KIF7: variants seen among roughly 807,000 people sequenced by gnomAD.
KIF7 encodes the protein kinesin-like protein KIF7.
KIF7 carries 104 observed loss-of-function variants against 135.7 expected under a neutral mutation model. The observed-to-expected ratio is 0.77, with a 90% CI of 0.65 to 0.90. The LOEUF is 0.90. Ranked by LOEUF, KIF7 falls within the 40% of genes least tolerant of loss-of-function variation. KIF7 has a pLI of 0.00. For synonymous variants in KIF7, 883 were observed against 809.4 expected, an observed-to-expected ratio of 1.09 and a Z score of -1.54; for missense variants, 2,005 against 1,839.1, an observed-to-expected ratio of 1.09 and a Z score of -1.65.
downstream of KIF7, chr15:89,627,219 T>A: frequency 9.1e-7 from 1 of 1,092,902 alleles, no homozygotes; most frequent in Non-Finnish European, 1.3e-6. Context: ...GCCTTAGGGT[T>A]TTCTAATTCC....
chr15:89,662,498 A>G, the KIF7 span, among the ~76,000 whole-genome samples: 2 of 152,184 alleles, frequency 1.3e-5, no homozygotes, highest in Middle Eastern at 3.2e-3. Flanking sequence ...ACGGTCTCAA[A>G]ATAAAATTAT....
intron 10 of KIF7, among the ~76,000 whole-genome samples, chr15:89,643,092 G>A (rs1425849803): frequency 1.3e-5 from 2 of 151,958 alleles, no homozygotes; most frequent in Admixed American, 6.5e-5. Context: ...GTGGGGTTTG[G>A]GACATTCAGC....
upstream of KIF7, among the ~76,000 whole-genome samples, chr15:89,659,521 CAGGG>C (rs921581705): frequency 6.8e-6 from 1 of 146,250 alleles, no homozygotes. Flanking sequence ...AGGAGGGAGG[CAGGG>C]AGGGAGGAAG....
chr15:89,629,429 G>C lies in KIF7; in HGVS notation c.3463C>G (p.Leu1155Val). 1 of 1,608,422 alleles carries C rather than the reference G, an allele frequency of 6.2e-7. No individual in the cohort carries two copies. The highest frequency in any genetic ancestry group is 1.1e-5 in the South Asian group (1 of 91,074). The change falls in exon 17 of 19, where the codon CTG becomes GTG. Residue 1155 changes from leucine to valine, a missense_variant. Transcript: ENST00000394412. ...QRLEMDRQLT[L>V]QQKEHEQNMQ... is the part of the protein sequence containing the mutation. ...TTCTGCTCGTGCTCCTTCTGCTGCA[G>C]GGTCAGCTGGCGGTCCATCTCCAGG...
intron 10 of KIF7, among the ~76,000 whole-genome samples, chr15:89,642,932 T>C (rs1963949653): frequency 6.6e-6 from 1 of 152,262 alleles, no homozygotes; most frequent in African/African-American, 2.4e-5. Flanking sequence ...AAATTAGTTT[T>C]ATTTTTACCA....
chr15:89,635,700 A>T (rs1457115839), intron 11 of KIF7, among the ~76,000 whole-genome samples: 10 of 152,304 alleles, frequency 6.6e-5, no homozygotes, highest in Non-Finnish European at 1.5e-5. Flanking sequence ...TCTACATTTG[A>T]CTGGTGTACC....
rs543231193 is a variant in KIF7 at position 89,647,468 on chromosome 15, C to T, written c.1560+128G>A. The stretch of plus-strand genomic sequence containing the variant: ...CCTCCACACTTTCGCTCATGTGCAC[C>T]TCCTGACTCTACACCCCTACCCCGC... On this transcript the variant is annotated intron_variant, in intron 6 of 18. Transcript: ENST00000394412. 23 of 823,416 alleles carry T rather than the reference C, an allele frequency of 2.8e-5. No individual in the cohort carries two copies. In the African/African-American group the frequency reaches 3.0e-4, roughly 11 times the overall value. 51.0% of individuals were successfully genotyped at this position (823,416 alleles called of 1,614,324 possible).
rs367734857 is a variant in KIF7 at position 89,633,853 on chromosome 15, G to C, written c.2425C>G (p.Arg809Gly). 2 of 1,613,652 alleles carry C rather than the reference G, an allele frequency of 1.2e-6. No individual in the cohort carries two copies. Among genetic ancestry groups the C allele is most frequent in the East Asian group, 4.5e-5 (2 of 44,876 alleles). The change falls in exon 12 of 19, where the codon CGG (arginine) becomes GGG (glycine). Residue 809 changes from arginine (R) to glycine (G), a missense_variant. Transcript: ENST00000394412. ...VLKEKKQATE[R>G]LVSLSAQSEK... The stretch of plus-strand genomic sequence containing the variant: ...CTCTGGGCCGACAGTGACACCAGCC[G>C]CTCCGTAGCCTGCTTCTTCTCCTTC...
chr15:89,642,102 A>G, intron 11 of KIF7, 101 bp downstream of exon 11: 2 of 1,242,768 alleles, frequency 1.6e-6, no homozygotes, highest in Non-Finnish European at 2.3e-6. Context: ...AAGGTTCCAC[A>G]GTGAACTTGG....
At position 89,646,914 on chromosome 15, in the gene KIF7, C is replaced by T. The variant is rs988146509; in HGVS notation, c.1704G>A (p.Leu568=). The T allele has an allele frequency of 6.8e-6, 11 of 1,613,964 alleles. No individual in the cohort carries two copies. The highest frequency in any genetic ancestry group is 1.7e-5 in the Admixed American group (1 of 59,998). ...SFVPRPHTAP[L]GGAHAHVLGM... Reference sequence around the variant, plus strand: ...CCAGCACATGGGCGTGGGCACCCCCCAGGGGGGCTGTATGAGGTCGAGGCA... The same window carrying T: ...CCAGCACATGGGCGTGGGCACCCCCTAGGGGGGCTGTATGAGGTCGAGGCA... The change falls in exon 7 of 19, where the codon CTG becomes CTA. Residue 568 remains leucine, a synonymous_variant. Transcript: ENST00000394412.
At chr15:89,661,450 G>A in the KIF7 span, among the ~76,000 whole-genome samples, 2 of 152,160 alleles carry the variant, frequency 1.3e-5, no homozygotes, top group African/African-American at 2.4e-5. Flanking sequence ...GTTTTGGCAG[G>A]TTGGGGCTGG....
intron 2 of KIF7, among the ~76,000 whole-genome samples, chr15:89,651,500 C>T (rs1964123893): frequency 6.6e-6 from 1 of 152,176 alleles, no homozygotes. Context: ...TCCCAAAGTG[C>T]TGGGATTACA....
intron 1 of KIF7, among the ~76,000 whole-genome samples, chr15:89,620,401 T>C (rs2141980463): frequency 6.6e-6 from 1 of 151,926 alleles, no homozygotes; most frequent in South Asian, 2.1e-4. Flanking sequence ...AAAGACTGGG[T>C]TTCACCATGT....
intron 1 of KIF7, 49 bp from the exon 2 acceptor site, chr15:89,653,003 G>A (rs1964149297): frequency 1.5e-6 from 2 of 1,373,904 alleles, no homozygotes; most frequent in Non-Finnish European, 1.9e-6. Flanking sequence ...TACTCCAGGA[G>A]CTGGACTCAC....
Position 89,633,756 on chromosome 15 carries a change from C to T in KIF7, c.2522G>A (p.Arg841Gln), listed in dbSNP as rs750616880. The T allele has an allele frequency of 2.6e-5, 42 of 1,610,212 alleles. No homozygotes were observed. The highest frequency in any genetic ancestry group is 4.4e-5 in the South Asian group (4 of 91,070). ...MRQQQGQLQR[R>Q]LREETEQKRR... Reference sequence around the variant, plus strand: ...CTTCTGCTCCGTCTCCTCGCGAAGCCGCCTCTGCAGCTGTCCCTGCTGCTG... The same window carrying T: ...CTTCTGCTCCGTCTCCTCGCGAAGCTGCCTCTGCAGCTGTCCCTGCTGCTG... The change falls in exon 12 of 19, where the codon CGG (arginine) becomes CAG (glutamine). Residue 841 changes from arginine to glutamine, a missense_variant. Arg to Gln is a conservative substitution (Grantham distance 43). Coordinates refer to ENST00000394412, the MANE Select transcript of KIF7 (RefSeq NM_198525.3).
At chr15:89,643,634 C>A (rs1230643916) in intron 10 of KIF7, among the ~76,000 whole-genome samples, 1 of 152,198 alleles carries the variant, frequency 6.6e-6, no homozygotes, top group African/African-American at 2.4e-5. Flanking sequence ...CGCCTCTAAT[C>A]CCAGTACTTT....
Position 89,648,320 on chromosome 15 carries a change from G to T in KIF7, c.1378C>A (p.Pro460Thr), listed in dbSNP as rs1429893583. Reference sequence around the variant, plus strand: ...GAGGCGCTCTCGATGCCGCTATCGGGCCCGGAGGCGGAGCTCAGGGCGCTG... The same window carrying T: ...GAGGCGCTCTCGATGCCGCTATCGGTCCCGGAGGCGGAGCTCAGGGCGCTG... ...ERSALSSASG[P>T]DSGIESASVE... The change falls in exon 5 of 19, where the codon CCC becomes ACC. Residue 460 changes from proline (P) to threonine (T), a missense_variant. By Grantham distance (38) the Pro-to-Thr change is conservative. Transcript: ENST00000394412. 2 of 1,509,916 alleles carry T rather than the reference G, an allele frequency of 1.3e-6. No individual in the cohort carries two copies. Among genetic ancestry groups the T allele is most frequent in the Non-Finnish European group, 1.8e-6 (2 of 1,131,840 alleles). The allele number at this position is 1,509,916 out of a possible 1,614,324, so 93.5% of individuals were successfully genotyped here. A position where few individuals can be genotyped will look rare whatever the true frequency, so the allele number is the denominator to read the frequency against.
chr15:89,633,847 C>T lies in KIF7; in HGVS notation c.2431G>A (p.Val811Met). 1 of 1,613,766 alleles carries T rather than the reference C, an allele frequency of 6.2e-7. No homozygotes were observed. ...KEKKQATERL[V>M]SLSAQSEKRL... The stretch of plus-strand genomic sequence containing the variant: ...TTCTCACTCTGGGCCGACAGTGACA[C>T]CAGCCGCTCCGTAGCCTGCTTCTTC... The change falls in exon 12 of 19, where the codon GTG (valine) becomes ATG (methionine). Residue 811 changes from valine (V) to methionine (M), a missense_variant. By Grantham distance (21) the Val-to-Met change is conservative (BLOSUM62 1). Transcript: ENST00000394412.
downstream of KIF7, among the ~76,000 whole-genome samples, chr15:89,626,282 G>A (rs908434783): frequency 3.3e-5 from 5 of 152,112 alleles, no homozygotes; most frequent in South Asian, 2.1e-4. Flanking sequence ...AAAATTCCTC[G>A]GTCCTCCTGA....
Sources: gnomAD v4.1 joint callset for allele counts (sites outside exome capture counted in the v4.1 genomes callset) on GRCh38, gnomAD v4.1.1 for gene constraint, MANE v1.5 for transcripts, NCBI Gene and HGNC (gene_info 2026-07-23, HGNC 2026-07-21) for gene names.